PLEKHM3: variants seen among roughly 807,000 people sequenced by gnomAD.
PLEKHM3 encodes the protein pleckstrin homology domain containing M3.
PLEKHM3 carries 45 observed loss-of-function variants against 81.8 expected under a neutral mutation model. That is an observed-to-expected ratio of 0.55 (90% CI 0.43 to 0.71). The LOEUF is 0.71. PLEKHM3 is among the 30% of genes least tolerant of loss of function. The pLI, the probability that PLEKHM3 is intolerant of heterozygous loss-of-function variation, is 0.00. For synonymous variants in PLEKHM3, 352 were observed against 356.4 expected, an observed-to-expected ratio of 0.99 and a Z score of 0.14; for missense variants, 788 against 924.3, an observed-to-expected ratio of 0.85 and a Z score of 1.91.
intron 7 of PLEKHM3, among the ~76,000 whole-genome samples, chr2:207,830,915 G>A (rs1379758243): frequency 6.6e-6 from 1 of 152,218 alleles, no homozygotes; most frequent in African/African-American, 2.4e-5. Flanking sequence ...CACCCAGTCT[G>A]TGGTCTTCCG....
At position 208,001,155 on chromosome 2, in the gene PLEKHM3, A is replaced by T. The variant is rs1234009300; in HGVS notation, c.485T>A (p.Val162Asp). Residue 162 changes from valine (V) to aspartate (D), a missense_variant, in exon 2 of 8, where the codon GTC becomes GAC. By Grantham distance (152) the Val-to-Asp change is radical. Coordinates refer to ENST00000427836, the MANE Select transcript of PLEKHM3 (RefSeq NM_001080475.3). ...CTGCTGCAAAGGCGTGGTTTTGAGG[A>T]CTACCCTCCAGTCCACTTGGGTAAT... is the stretch of plus-strand genomic sequence containing the variant. ...SDITQVDWRV[V>D]LKTTPLQQQQ... 6.2e-7 allele frequency: 1 copy of T among 1,613,582 alleles called. No homozygotes were observed. Among genetic ancestry groups the T allele is most frequent in the Non-Finnish European group, 8.5e-7 (1 of 1,179,762 alleles).
At chr2:207,876,111 A>G (rs1185210321) in intron 6 of PLEKHM3, among the ~76,000 whole-genome samples, 6 of 152,218 alleles carry the variant, frequency 3.9e-5, no homozygotes, top group Non-Finnish European at 5.9e-5. Flanking sequence ...ACAGTGAACA[A>G]AAGCTACCAC....
intron 3 of PLEKHM3, among the ~76,000 whole-genome samples, chr2:207,960,996 G>T (rs958690175): frequency 2.6e-5 from 4 of 152,178 alleles, no homozygotes; most frequent in African/African-American, 9.7e-5. Flanking sequence ...CATTTGAATT[G>T]TACATAGTCA....
At chr2:207,969,279 C>T (rs964821558) in intron 3 of PLEKHM3, among the ~76,000 whole-genome samples, 3 of 152,200 alleles carry the variant, frequency 2.0e-5, no homozygotes, top group Admixed American at 6.5e-5. Context: ...TTCCCAAATT[C>T]GATTTCCCTT....
intron 2 of PLEKHM3, among the ~76,000 whole-genome samples, chr2:207,996,654 T>C (rs577045178): frequency 7.9e-5 from 12 of 152,244 alleles, no homozygotes; most frequent in South Asian, 4.1e-4. Context: ...AAATAGCTGA[T>C]CACAAATCAG....
At chr2:207,851,911 G>T (rs1019325087) in intron 7 of PLEKHM3, among the ~76,000 whole-genome samples, 14 of 152,052 alleles carry the variant, frequency 9.2e-5, no homozygotes, top group African/African-American at 3.4e-4. Context: ...ACCCCTTGCT[G>T]AACCTGACCC....
chr2:207,943,223 G>A (rs1346553923), intron 4 of PLEKHM3, among the ~76,000 whole-genome samples: 1 of 152,184 alleles, frequency 6.6e-6, no homozygotes, highest in Non-Finnish European at 1.5e-5. Context: ...AAATATTTGA[G>A]GTGATGGATA....
intron 6 of PLEKHM3, among the ~76,000 whole-genome samples, chr2:207,869,262 G>T (rs549318549): frequency 6.6e-6 from 1 of 152,278 alleles, no homozygotes; most frequent in African/African-American, 2.4e-5. Flanking sequence ...CTGAGATGAG[G>T]TTTAGTTATC....
rs1411033724 is a variant in PLEKHM3 at position 207,843,843 on chromosome 2, A to G, written c.2109-15347T>C. 1.3e-5 allele frequency among the ~76,000 whole-genome samples: 2 copies of G among 152,118 alleles called. No individual in the cohort carries two copies. The highest frequency in any genetic ancestry group is 2.9e-5 in the Non-Finnish European group (2 of 68,006). ...GGTGGCTCATGCCTGTAATCCCAGC[A>G]ATTTGGGAGGCCAGGGCAGGAGGAT... On this transcript the variant is annotated intron_variant, in intron 7 of 7. Transcript: ENST00000427836. The surrounding 1 kb of genome is among the most constrained non-coding windows in gnomAD (Gnocchi z 4.4).
At chr2:207,886,271 T>C (rs189705720) in intron 6 of PLEKHM3, among the ~76,000 whole-genome samples, 8 of 152,280 alleles carry the variant, frequency 5.3e-5, no homozygotes, top group Admixed American at 3.3e-4. Context: ...GGAATCTTTG[T>C]AATATGAGCC....
chr2:208,003,043 A>C (rs999430701), intron 1 of PLEKHM3, among the ~76,000 whole-genome samples: 1 of 152,200 alleles, frequency 6.6e-6, no homozygotes, highest in African/African-American at 2.4e-5. Flanking sequence ...CCCAAACCTC[A>C]TCTTGAATTC....
chr2:207,925,140 G>GTTT (rs1189512339), intron 5 of PLEKHM3, among the ~76,000 whole-genome samples: 1 of 118,290 alleles, frequency 8.5e-6, no homozygotes, highest in African/African-American at 2.8e-5. Flanking sequence ...TTGTTTTTTT[G>GTTT]TTTTTTGTTT....
At position 207,969,080 on chromosome 2, in the gene PLEKHM3, A is replaced by G. The variant is rs556725372; in HGVS notation, c.1546+7571T>C. 3.3e-5 allele frequency among the ~76,000 whole-genome samples: 5 copies of G among 152,200 alleles called. No homozygotes were observed. In the South Asian group the frequency reaches 1.0e-3, roughly 32 times the overall value. On this transcript the variant is annotated intron_variant, in intron 3 of 7. Transcript: ENST00000427836. Reference sequence around the variant, plus strand: ...AAGGAAAGTCAATTTCCTTATTTCCACCTCTCAGTTCCTTAGAAGATCTGG... The same window carrying G: ...AAGGAAAGTCAATTTCCTTATTTCCGCCTCTCAGTTCCTTAGAAGATCTGG...
At position 207,943,801 on chromosome 2, in the gene PLEKHM3, C is replaced by G. The variant is rs375699298; in HGVS notation, c.1692+2566G>C. On this transcript the variant is annotated intron_variant, in intron 4 of 7. Coordinates refer to ENST00000427836, the MANE Select transcript of PLEKHM3 (RefSeq NM_001080475.3). ...GAGAATGGCGTGAACCCGGGAGGCG[C>G]AGCTTGCAGTGAGCCGAGATCCCGC... Among the ~76,000 whole-genome samples, 86 of 140,526 alleles carry G rather than the reference C, an allele frequency of 6.1e-4. No homozygotes were observed. The East Asian group carries it at 0.018, about 29-fold the overall frequency. The allele number at this position is 140,526 out of a possible 152,430, so 92.2% of individuals were successfully genotyped here.
Position 207,823,522 on chromosome 2 carries a change from C to G in PLEKHM3, c.*4797G>C, listed in dbSNP as rs1300035666. Reference sequence around the variant, plus strand: ...TTCACCATGTTGGCCAGGCTGGCCTCAAACTCCTGACCTCAAGTGATTCAC... The same window carrying G: ...TTCACCATGTTGGCCAGGCTGGCCTGAAACTCCTGACCTCAAGTGATTCAC... On this transcript the variant is annotated 3_prime_UTR_variant, in exon 8 of 8. Coordinates refer to ENST00000427836, the MANE Select transcript of PLEKHM3 (RefSeq NM_001080475.3). The G allele has an allele frequency of 6.6e-6, 1 of 152,230 alleles. No individual in the cohort carries two copies. Among genetic ancestry groups the G allele is most frequent in the Non-Finnish European group, 1.5e-5 (1 of 68,074 alleles). The allele number at this position is 152,230 out of a possible 1,614,324, so 9.4% of individuals were successfully genotyped here. A position where few individuals can be genotyped will look rare whatever the true frequency, so the allele number is the denominator to read the frequency against.
chr2:207,999,975 A>G (rs1692242516), intron 2 of PLEKHM3, among the ~76,000 whole-genome samples: 1 of 152,210 alleles, frequency 6.6e-6, no homozygotes, highest in South Asian at 2.1e-4. Flanking sequence ...TTAAAGGATG[A>G]GTAGGGTGAT....
At chr2:207,870,922 T>A (rs914925199) in intron 6 of PLEKHM3, among the ~76,000 whole-genome samples, 1 of 151,938 alleles carries the variant, frequency 6.6e-6, no homozygotes, top group African/African-American at 2.4e-5. Context: ...AGCCTGGCAA[T>A]GAAGTGAGAT....
rs117733447 is a variant in PLEKHM3, at chr2:207,907,528, A to C, written c.1950+986T>G. Among the ~76,000 whole-genome samples the C allele has an allele frequency of 2.8e-3, 432 of 152,162 alleles. 5 individuals are homozygous for C. In the East Asian group the frequency reaches 0.034, roughly 12 times the overall value. ...CAAACGAAAGGAAAAAAAAAAGTAC[A>C]TGTTCTAATAAAAGTATAAAAGGAT... On this transcript the variant is annotated intron_variant, in intron 6 of 7. Coordinates refer to ENST00000427836, the MANE Select transcript of PLEKHM3 (RefSeq NM_001080475.3).
intron 5 of PLEKHM3, among the ~76,000 whole-genome samples, chr2:207,922,050 G>A (rs1689200457): frequency 6.6e-6 from 1 of 152,110 alleles, no homozygotes; most frequent in Non-Finnish European, 1.5e-5. Flanking sequence ...GTTTTTTGAG[G>A]AAGCTCCATG....
Sources: gnomAD v4.1 joint callset for allele counts (sites outside exome capture counted in the v4.1 genomes callset) on GRCh38, gnomAD v4.1.1 for gene constraint, Gnocchi (gnomAD v3.1) non-coding constraint, MANE v1.5 for transcripts, NCBI Gene and HGNC (gene_info 2026-07-23, HGNC 2026-07-21) for gene names.